TENT2: variants seen among roughly 807,000 people sequenced by gnomAD.
TENT2 encodes the protein terminal nucleotidyltransferase 2.
In TENT2, 44 loss-of-function variants were observed where a neutral mutation model predicts 72.2. The observed-to-expected ratio is 0.61, with a 90% CI of 0.48 to 0.78. TENT2 has a LOEUF of 0.78. TENT2 is among the 30% of genes least tolerant of loss of function. The pLI is 0.00. For synonymous variants in TENT2, 212 were observed against 192.5 expected, an observed-to-expected ratio of 1.10 and a Z score of -0.84; for missense variants, 541 against 569.6, an observed-to-expected ratio of 0.95 and a Z score of 0.51.
intron 10 of TENT2, among the ~76,000 whole-genome samples, chr5:79,654,718 C>T (rs1182389984): frequency 4.6e-5 from 7 of 151,318 alleles, no homozygotes; most frequent in Non-Finnish European, 5.9e-5. Context: ...GAGCCCAAAT[C>T]GTGCCACTGT....
At chr5:79,676,263 T>C (rs760231905) in intron 12 of TENT2, among the ~76,000 whole-genome samples, 23 of 151,994 alleles carry the variant, frequency 1.5e-4, no homozygotes, top group Non-Finnish European at 3.1e-4. Flanking sequence ...TAAGACAGCA[T>C]TTCCAGTTTA....
At chr5:79,645,353 G>C (rs1787953764) in intron 8 of TENT2, among the ~76,000 whole-genome samples, 161 bp downstream of exon 8, 1 of 152,034 alleles carries the variant, frequency 6.6e-6, no homozygotes, top group African/African-American at 2.4e-5. Flanking sequence ...TTTTAAAATT[G>C]AGCAATACTT....
At chr5:79,624,946 G>A (rs1768230778) in intron 4 of TENT2, among the ~76,000 whole-genome samples, 1 of 152,192 alleles carries the variant, frequency 6.6e-6, no homozygotes, top group African/African-American at 2.4e-5. Context: ...GTAGCTCTGT[G>A]TTTAACTTTG....
intron 11 of TENT2, among the ~76,000 whole-genome samples, chr5:79,660,020 T>C (rs986649950): frequency 6.6e-6 from 1 of 152,132 alleles, no homozygotes; most frequent in South Asian, 2.1e-4. Flanking sequence ...GCTTCTCTAA[T>C]ACAAAATAGG....
intron 4 of TENT2, among the ~76,000 whole-genome samples, chr5:79,625,278 A>C (rs1450555649): frequency 2.0e-5 from 3 of 152,150 alleles, no homozygotes; most frequent in African/African-American, 7.2e-5. Flanking sequence ...GGTTGGTAAG[A>C]GTTCTTTATG....
chr5:79,674,468 A>G lies in TENT2; in HGVS notation c.1209-5111A>G, dbSNP rs1815626881. On this transcript the variant is annotated intron_variant, in intron 12 of 14. Transcript: ENST00000453514. ...TTAAAGAGATAGAACAGTCATATACAATGCATGAACCTTTATTATAATCCA... is the reference window on the plus strand; with the variant it reads ...TTAAAGAGATAGAACAGTCATATACGATGCATGAACCTTTATTATAATCCA... Among the ~76,000 whole-genome samples, 7 of 152,308 alleles carry G rather than the reference A, an allele frequency of 4.6e-5. No individual in the cohort carries two copies. In the South Asian group the frequency reaches 1.5e-3, roughly 32 times the overall value.
At position 79,678,806 on chromosome 5, in the gene TENT2, A is replaced by G. The variant is rs745184; in HGVS notation, c.1209-773A>G. Reference sequence around the variant, plus strand: ...TTTAATAACACAAGAAGATAACACTAGAAGATTACTTCTGTCTTAACAAAT... The same window carrying G: ...TTTAATAACACAAGAAGATAACACTGGAAGATTACTTCTGTCTTAACAAAT... On this transcript the variant is annotated intron_variant, in intron 12 of 14. Coordinates refer to ENST00000453514, the MANE Select transcript of TENT2 (RefSeq NM_001114394.3). Among the ~76,000 whole-genome samples the G allele has an allele frequency of 5.9e-3, 899 of 152,376 alleles. 7 individuals carry two copies. Among genetic ancestry groups the G allele is most frequent in the Non-Finnish European group, 1.0e-2 (680 of 68,032 alleles).
intron 10 of TENT2, among the ~76,000 whole-genome samples, chr5:79,652,882 T>A (rs56125199): frequency 0.21 from 31,566 of 151,890 alleles, 4,915 homozygotes; most frequent in African/African-American, 0.43. Flanking sequence ...GGTGAACTCT[T>A]AACATATTTT....
intron 13 of TENT2, 136 bp downstream of exon 13, chr5:79,679,806 T>C (rs1023661065): frequency 4.2e-6 from 2 of 480,240 alleles, no homozygotes; most frequent in African/African-American, 4.0e-5. Flanking sequence ...AAATTTTTAA[T>C]TTTAAAAAGT....
intron 12 of TENT2, among the ~76,000 whole-genome samples, chr5:79,678,054 A>T (rs1466539954): frequency 1.3e-5 from 2 of 152,190 alleles, no homozygotes; most frequent in Non-Finnish European, 2.9e-5. Context: ...TACATGAGGG[A>T]TCTAAAACAT....
intron 11 of TENT2, among the ~76,000 whole-genome samples, chr5:79,666,621 G>A (rs1808284331): frequency 6.6e-6 from 1 of 150,568 alleles, no homozygotes; most frequent in Admixed American, 6.6e-5. Flanking sequence ...CAAACTCCTG[G>A]GCTCAAGGAT....
Position 79,668,614 on chromosome 5 carries a change from T to TAAAAA in TENT2, c.1072-278_1072-277insAAAAA. 12 of 281,082 alleles carry TAAAAA rather than the reference T, an allele frequency of 4.3e-5. No individual in the cohort carries two copies. In the East Asian group the frequency reaches 4.3e-4, roughly 10 times the overall value. The allele number at this position is 281,082 out of a possible 1,614,324, so 17.4% of individuals were successfully genotyped here. A position where few individuals can be genotyped will look rare whatever the true frequency, so the allele number is the denominator to read the frequency against. On this transcript the variant is annotated intron_variant, in intron 11 of 14. Transcript: ENST00000453514. ...CTTGGTTTGTATAGTAAGGTTTTATTTATGAGTTAGAAAATCTTCTGCTAA... is the reference window on the plus strand; with the variant it reads ...CTTGGTTTGTATAGTAAGGTTTTATTAAAAATATGAGTTAGAAAATCTTCTGCTAA...
At chr5:79,682,131 T>C in intron 14 of TENT2, 70 bp downstream of exon 14, 1 of 1,040,194 alleles carries the variant, frequency 9.6e-7, no homozygotes, top group Non-Finnish European at 1.5e-6. Context: ...AAAAAATACG[T>C]GTGTAGTAGG....
intron 7 of TENT2, 166 bp from the exon 8 acceptor site, chr5:79,644,957 C>A: frequency 1.9e-6 from 1 of 536,398 alleles, no homozygotes; most frequent in Non-Finnish European, 3.3e-6. Flanking sequence ...TTACTGGAGC[C>A]TCCAACCTTA....
chr5:79,623,742 C>G (rs1353970232), intron 4 of TENT2: 2 of 298,672 alleles, frequency 6.7e-6, no homozygotes, highest in African/African-American at 2.2e-5. Flanking sequence ...CAGACACTTT[C>G]TGAGTTTAGA....
chr5:79,626,041 C>T (rs1009629493), intron 4 of TENT2, among the ~76,000 whole-genome samples: 5 of 151,324 alleles, frequency 3.3e-5, no homozygotes, highest in African/African-American at 1.2e-4. Flanking sequence ...GTTGGTCAGG[C>T]TGGTCTTGAA....
At chr5:79,618,578 C>G (rs1285200896) in intron 1 of TENT2, among the ~76,000 whole-genome samples, 1 of 151,478 alleles carries the variant, frequency 6.6e-6, no homozygotes, top group Non-Finnish European at 1.5e-5. Context: ...TATGCAATGT[C>G]TTTTCATTAA....
intron 10 of TENT2, among the ~76,000 whole-genome samples, chr5:79,656,060 T>C (rs1797723936): frequency 6.6e-6 from 1 of 152,012 alleles, no homozygotes; most frequent in Admixed American, 6.5e-5. Flanking sequence ...ATGTAGTTGT[T>C]ATACATAGTG....
intron 1 of TENT2, among the ~76,000 whole-genome samples, chr5:79,615,635 G>T (rs1261310421): frequency 6.6e-5 from 10 of 152,044 alleles, no homozygotes; most frequent in Admixed American, 6.6e-4. Context: ...CCAAGAAGGA[G>T]TGTGAGCCTG....
Sources: allele counts gnomAD v4.1 joint callset (sites outside exome capture counted in the v4.1 genomes callset), GRCh38; gene constraint gnomAD v4.1.1; transcripts MANE v1.5; gene names NCBI Gene and HGNC (gene_info 2026-07-23, HGNC 2026-07-21).